Variants in STARD13 observed in about 807,000 individuals in gnomAD.
The protein encoded by STARD13 is stAR-related lipid transfer protein 13.
In STARD13, 62 loss-of-function variants were observed where a neutral mutation model predicts 106.4. That is an observed-to-expected ratio of 0.58 (90% CI 0.48 to 0.72). The LOEUF is 0.72. Ranked by LOEUF, STARD13 falls within the 30% of genes least tolerant of loss-of-function variation. STARD13 has a pLI of 0.00. For missense variants in STARD13, 1,387 were observed against 1,424.0 expected (o/e 0.97, Z 0.42); for synonymous variants, 565 against 553.0 (o/e 1.02, Z -0.31).
intron 5 of STARD13, 128 bp downstream of exon 5, chr13:33,128,801 T>A: frequency 1.1e-6 from 1 of 900,416 alleles, no homozygotes; most frequent in Non-Finnish European, 1.7e-6. Flanking sequence ...TAATTCCTAA[T>A]CACATACATC....
At chr13:33,474,714 T>G in the STARD13 span, among the ~76,000 whole-genome samples, 1 of 152,064 alleles carries the variant, frequency 6.6e-6, no homozygotes, top group Admixed American at 6.6e-5. Flanking sequence ...GACATCAGAG[T>G]TTGGAAGAGA....
chr13:33,424,523 T>C, the STARD13 span, among the ~76,000 whole-genome samples: 1 of 152,190 alleles, frequency 6.6e-6, no homozygotes, highest in Non-Finnish European at 1.5e-5. Flanking sequence ...TCATTTAAAG[T>C]GACCAAGTAG....
intron 1 of STARD13, among the ~76,000 whole-genome samples, chr13:33,322,095 T>C (rs1893582611): frequency 6.6e-6 from 1 of 152,222 alleles, no homozygotes; most frequent in Non-Finnish European, 1.5e-5. Flanking sequence ...AATCACAGTG[T>C]TGAGATTCGC....
chr13:33,409,092 C>T, the STARD13 span, among the ~76,000 whole-genome samples: 6 of 151,878 alleles, frequency 4.0e-5, no homozygotes, highest in Non-Finnish European at 8.8e-5. Flanking sequence ...CTAGTTTCCC[C>T]ACTAGAAAGA....
At chr13:33,197,467 C>T (rs971514915) in intron 1 of STARD13, among the ~76,000 whole-genome samples, 1 of 150,966 alleles carries the variant, frequency 6.6e-6, no homozygotes, top group Non-Finnish European at 1.5e-5. Context: ...ACCTCTTAAG[C>T]GTCAGCCCAA....
At chr13:33,123,908 A>G (rs561829989) in intron 7 of STARD13, among the ~76,000 whole-genome samples, 3 of 152,336 alleles carry the variant, frequency 2.0e-5, no homozygotes, top group Admixed American at 1.3e-4. Context: ...ACTTCCTATT[A>G]AAATGTGGCA....
At chr13:33,311,167 T>C (rs1893123834) in intron 1 of STARD13, among the ~76,000 whole-genome samples, 1 of 150,236 alleles carries the variant, frequency 6.7e-6, no homozygotes, top group African/African-American at 2.4e-5. Flanking sequence ...TGTGGTAGCA[T>C]GCACCTGTGG....
At chr13:33,327,783 A>G (rs762515204) in intron 1 of STARD13, among the ~76,000 whole-genome samples, 6 of 152,250 alleles carry the variant, frequency 3.9e-5, no homozygotes, top group Admixed American at 6.5e-5. Context: ...TGCTACATTT[A>G]TGCACTTTGA....
At chr13:33,412,331 G>A in the STARD13 span, among the ~76,000 whole-genome samples, 1 of 151,926 alleles carries the variant, frequency 6.6e-6, no homozygotes, top group Non-Finnish European at 1.5e-5. Context: ...GCTATGCAAC[G>A]AGATACCCTC....
chr13:33,629,130 C>T, the STARD13 span, among the ~76,000 whole-genome samples: 999 of 152,302 alleles, frequency 6.6e-3, 12 homozygotes, highest in African/African-American at 0.023. Context: ...GCCAGGTCCC[C>T]AGTTCAACTC....
chr13:33,457,556 A>C, the STARD13 span, among the ~76,000 whole-genome samples: 1 of 152,232 alleles, frequency 6.6e-6, no homozygotes, highest in Admixed American at 6.5e-5. Flanking sequence ...CACCTGTCTT[A>C]GTCCATTCGG....
the STARD13 span, among the ~76,000 whole-genome samples, chr13:33,391,291 A>G: frequency 1.1e-3 from 169 of 152,288 alleles, 2 homozygotes; most frequent in African/African-American, 4.0e-3. Flanking sequence ...TAAGCAGATC[A>G]TGTGGTATAT....
chr13:33,268,809 T>C (rs1181065323), intron 1 of STARD13, among the ~76,000 whole-genome samples: 1 of 152,226 alleles, frequency 6.6e-6, no homozygotes, highest in Non-Finnish European at 1.5e-5. Flanking sequence ...TAACTCCATG[T>C]CAGATTATTA....
chr13:33,614,469 G>A, the STARD13 span, among the ~76,000 whole-genome samples: 1 of 152,198 alleles, frequency 6.6e-6, no homozygotes, highest in Admixed American at 6.5e-5. Context: ...GGTGTTCACT[G>A]AGTGTGGATT....
chr13:33,488,628 T>C, the STARD13 span, among the ~76,000 whole-genome samples: 1 of 152,242 alleles, frequency 6.6e-6, no homozygotes, highest in Non-Finnish European at 1.5e-5. Flanking sequence ...ATGAATTCTA[T>C]GCTTTTTCTT....
chr13:33,220,375 G>A (rs117832716), intron 1 of STARD13, among the ~76,000 whole-genome samples: 1,533 of 152,232 alleles, frequency 0.01, 17 homozygotes, highest in Admixed American at 0.013. Flanking sequence ...TAGCTATAAG[G>A]GTGAAGATGA....
At chr13:33,597,822 C>G in the STARD13 span, among the ~76,000 whole-genome samples, 1 of 151,766 alleles carries the variant, frequency 6.6e-6, no homozygotes, top group African/African-American at 2.4e-5. Context: ...CCACTGCACT[C>G]CAGTCTGGGC....
At chr13:33,420,429 T>A in the STARD13 span, among the ~76,000 whole-genome samples, 1 of 152,168 alleles carries the variant, frequency 6.6e-6, no homozygotes, top group South Asian at 2.1e-4. Context: ...ATGCACCCAA[T>A]ACAGGAGCAC....
intron 1 of STARD13, among the ~76,000 whole-genome samples, chr13:33,210,373 A>G (rs1444482051): frequency 6.6e-6 from 1 of 152,210 alleles, no homozygotes; most frequent in Non-Finnish European, 1.5e-5. Flanking sequence ...GCAATAAAAA[A>G]ACTGCACTTA....
Sources: allele counts gnomAD v4.1 joint callset (sites outside exome capture counted in the v4.1 genomes callset), GRCh38; gene constraint gnomAD v4.1.1; transcripts MANE v1.5; gene names NCBI Gene and HGNC (gene_info 2026-07-23, HGNC 2026-07-21).